Variants in LRRFIP1 observed in about 807,000 individuals in gnomAD.
The protein encoded by LRRFIP1 is LRR binding FLII interacting protein 1.
A neutral mutation model predicts 104.4 loss-of-function variants in LRRFIP1; 62 were observed. The observed-to-expected ratio is 0.59, with a 90% CI of 0.48 to 0.73. The LOEUF is 0.73. Among genes scored for constraint, LRRFIP1 ranks in the 30% least tolerant of loss-of-function variants. LRRFIP1 has a pLI of 0.00. For synonymous variants in LRRFIP1, 300 were observed against 299.0 expected, an observed-to-expected ratio of 1.00 and a Z score of -0.03; for missense variants, 796 against 824.5, an observed-to-expected ratio of 0.97 and a Z score of 0.42.
intron 1 of LRRFIP1, among the ~76,000 whole-genome samples, chr2:237,669,144 T>C (rs1214462393): frequency 1.3e-5 from 2 of 152,250 alleles, no homozygotes; most frequent in Admixed American, 1.3e-4. Context: ...CTTTTGTGTT[T>C]GTTTACTGCG....
chr2:237,664,546 A>G (rs1409146610), intron 1 of LRRFIP1, among the ~76,000 whole-genome samples: 1 of 152,240 alleles, frequency 6.6e-6, no homozygotes, highest in Non-Finnish European at 1.5e-5. Flanking sequence ...GTGCTGCTCC[A>G]AGACTGAATG....
intron 1 of LRRFIP1, among the ~76,000 whole-genome samples, chr2:237,630,169 G>A (rs1687327026): frequency 6.6e-6 from 1 of 152,218 alleles, no homozygotes; most frequent in African/African-American, 2.4e-5. Context: ...GATTGATAGG[G>A]TTGGAGGGAG....
At chr2:237,655,447 AAAG>A (rs72279700) in intron 1 of LRRFIP1, among the ~76,000 whole-genome samples, 28,547 of 151,686 alleles carry the variant, frequency 0.19, 2,945 homozygotes, top group South Asian at 0.33. Context: ...TGCATTTATA[AAAG>A]AAGGATTGAC....
intron 8 of LRRFIP1, among the ~76,000 whole-genome samples, chr2:237,730,566 G>C (rs6734027): frequency 6.6e-6 from 1 of 152,016 alleles, no homozygotes; most frequent in African/African-American, 2.4e-5. Context: ...CAGATGAGTA[G>C]ATAGAATGGG....
intron 1 of LRRFIP1, among the ~76,000 whole-genome samples, chr2:237,672,794 TG>T (rs2090544605): frequency 6.6e-6 from 1 of 152,238 alleles, no homozygotes. Flanking sequence ...AGTATCCAAA[TG>T]TGGATGATAT....
At chr2:237,723,734 A>T (rs3769085) in intron 7 of LRRFIP1, 148 bp downstream of exon 7, 3 of 939,946 alleles carry the variant, frequency 3.2e-6, no homozygotes, top group Admixed American at 4.2e-5. Flanking sequence ...CTTACCCTGC[A>T]GAGTGAGCAG....
intron 1 of LRRFIP1, among the ~76,000 whole-genome samples, chr2:237,700,416 G>A (rs912802498): frequency 6.6e-6 from 1 of 152,190 alleles, no homozygotes; most frequent in African/African-American, 2.4e-5. Flanking sequence ...GAGTGAACTT[G>A]AATTACATCC....
chr2:237,758,864 A>G, intron 18 of LRRFIP1, 43 bp downstream of exon 18: 1 of 1,510,750 alleles, frequency 6.6e-7, no homozygotes, highest in Non-Finnish European at 9.1e-7. Flanking sequence ...AAAAGAAAAA[A>G]AATCCAGGTG....
intron 13 of LRRFIP1, among the ~76,000 whole-genome samples, chr2:237,749,915 G>T (rs757644983): frequency 6.6e-6 from 1 of 152,194 alleles, no homozygotes; most frequent in Non-Finnish European, 1.5e-5. Flanking sequence ...GAAACACGGT[G>T]CTATTTGTTA....
intron 10 of LRRFIP1, among the ~76,000 whole-genome samples, chr2:237,738,395 G>A (rs1355762382): frequency 6.6e-6 from 1 of 152,212 alleles, no homozygotes; most frequent in Non-Finnish European, 1.5e-5. Flanking sequence ...AGTGCAGGGT[G>A]TCCAGGGGCT....
Position 237,780,726 on chromosome 2 carries a change from A to G in LRRFIP1, c.*1194A>G, listed in dbSNP as rs6739130. Reference sequence around the variant, plus strand: ...GGAGTGAGGGTTGTGAGTTCAGGGTATATAATCAAGAAAACACTCCCAGCA... The same window carrying G: ...GGAGTGAGGGTTGTGAGTTCAGGGTGTATAATCAAGAAAACACTCCCAGCA... On this transcript the variant is annotated 3_prime_UTR_variant, in exon 24 of 24. Coordinates refer to ENST00000308482, the MANE Select transcript of LRRFIP1 (RefSeq NM_001137550.2). Among the ~76,000 whole-genome samples, 17,166 of 152,262 alleles carry G rather than the reference A, an allele frequency of 0.11. 1,010 individuals are homozygous for G. The highest frequency in any genetic ancestry group is 0.21 in the Middle Eastern group (62 of 294).
intron 1 of LRRFIP1, among the ~76,000 whole-genome samples, chr2:237,668,452 C>T (rs2089840853): frequency 6.6e-6 from 1 of 152,202 alleles, no homozygotes; most frequent in Non-Finnish European, 1.5e-5. Flanking sequence ...TGGTTCCCCG[C>T]CTTACCATCC....
chr2:237,690,501 C>G (rs568047369), intron 1 of LRRFIP1, among the ~76,000 whole-genome samples: 22 of 152,166 alleles, frequency 1.4e-4, no homozygotes, highest in Non-Finnish European at 2.9e-4. Flanking sequence ...CTTTCGGAGG[C>G]CAAGGCAGGC....
At chr2:237,776,701 C>T (rs764115729) in intron 23 of LRRFIP1, among the ~76,000 whole-genome samples, 4 of 152,144 alleles carry the variant, frequency 2.6e-5, no homozygotes, top group Non-Finnish European at 5.9e-5. Flanking sequence ...CGGGTATTCA[C>T]GTGGCCGCAT....
At chr2:237,750,262 T>TG (rs2058412715) in intron 13 of LRRFIP1, among the ~76,000 whole-genome samples, 1 of 151,290 alleles carries the variant, frequency 6.6e-6, no homozygotes, top group Non-Finnish European at 1.5e-5. Context: ...GTGCCACCCC[T>TG]GGGCCACCTG....
At chr2:237,651,474 G>A (rs866768044) in intron 1 of LRRFIP1, among the ~76,000 whole-genome samples, 9 of 152,060 alleles carry the variant, frequency 5.9e-5, no homozygotes, top group South Asian at 4.1e-4. Context: ...GAGAGTCCAC[G>A]CATCATGTCT....
At chr2:237,642,512 C>T (rs559243604) in intron 1 of LRRFIP1, among the ~76,000 whole-genome samples, 12 of 151,818 alleles carry the variant, frequency 7.9e-5, no homozygotes, top group East Asian at 1.9e-4. Flanking sequence ...TTTCAGGTTC[C>T]GGGTTCCAGG....
chr2:237,702,378 G>A (rs1353299031), intron 1 of LRRFIP1, among the ~76,000 whole-genome samples: 2 of 152,134 alleles, frequency 1.3e-5, no homozygotes, highest in Non-Finnish European at 2.9e-5. Context: ...TCTGTCTGTG[G>A]GGTCCCTGGC....
intron 1 of LRRFIP1, among the ~76,000 whole-genome samples, chr2:237,664,481 T>C (rs573681840): frequency 6.6e-6 from 1 of 152,334 alleles, no homozygotes; most frequent in East Asian, 1.9e-4. Context: ...AGTCACGTTG[T>C]TGTGTATGCG....
Sources: allele counts gnomAD v4.1 joint callset (sites outside exome capture counted in the v4.1 genomes callset), GRCh38; gene constraint gnomAD v4.1.1; transcripts MANE v1.5; gene names NCBI Gene and HGNC (gene_info 2026-07-23, HGNC 2026-07-21).